SNTB2: variants seen among roughly 807,000 people sequenced by gnomAD.
SNTB2 encodes the protein syntrophin beta 2.
Under a neutral mutation model 46.2 loss-of-function variants are expected in SNTB2, and 34 were observed. The observed-to-expected ratio is 0.74, with a 90% CI of 0.56 to 0.98. SNTB2 has a LOEUF of 0.98. SNTB2 is among the 50% of genes least tolerant of loss of function. The probability of loss-of-function intolerance (pLI) is 0.00; values close to 1 mark genes in which losing one functional copy is unlikely to be tolerated. For missense variants in SNTB2, 603 were observed against 731.4 expected, an observed-to-expected ratio of 0.82 and a Z score of 2.02; for synonymous variants, 290 against 312.6, an observed-to-expected ratio of 0.93 and a Z score of 0.76.
chr16:69,285,626 C>G (rs1378448906), intron 5 of SNTB2, among the ~76,000 whole-genome samples: 1 of 150,736 alleles, frequency 6.6e-6, no homozygotes, highest in Non-Finnish European at 1.5e-5. Flanking sequence ...ACTACAGGTG[C>G]CCACCACAGC....
At chr16:69,255,955 A>T (rs1339859587) in intron 2 of SNTB2, among the ~76,000 whole-genome samples, 1 of 151,708 alleles carries the variant, frequency 6.6e-6, no homozygotes, top group Non-Finnish European at 1.5e-5. Context: ...TGGGAAGCTG[A>T]GGCGGGCGGA....
intron 3 of SNTB2, among the ~76,000 whole-genome samples, chr16:69,264,479 G>C (rs1291861526): frequency 6.6e-6 from 1 of 152,094 alleles, no homozygotes; most frequent in Admixed American, 6.6e-5. Context: ...TTTATTTTTG[G>C]ATAAAATACT....
intron 2 of SNTB2, among the ~76,000 whole-genome samples, chr16:69,259,481 C>T (rs559910417): frequency 3.3e-5 from 5 of 151,570 alleles, no homozygotes; most frequent in East Asian, 3.9e-4. Context: ...GCAATCTGCC[C>T]GCCTTGGCCT....
chr16:69,211,148 T>TA (rs1022783236), intron 1 of SNTB2, among the ~76,000 whole-genome samples: 12 of 151,272 alleles, frequency 7.9e-5, no homozygotes, highest in African/African-American at 2.7e-4. Context: ...ATGGGCTGAT[T>TA]AAAAAAAACC....
intron 3 of SNTB2, among the ~76,000 whole-genome samples, chr16:69,268,633 G>C (rs1964908797): frequency 6.6e-6 from 1 of 152,134 alleles, no homozygotes; most frequent in Non-Finnish European, 1.5e-5. Flanking sequence ...GGGAGACCGA[G>C]GCGGGTGGAT....
intron 1 of SNTB2, among the ~76,000 whole-genome samples, chr16:69,203,069 A>C (rs1964179847): frequency 6.6e-6 from 1 of 150,546 alleles, no homozygotes; most frequent in Admixed American, 6.6e-5. Context: ...CCCAGGCTAG[A>C]GCTCAGGGGC....
chr16:69,293,422 G>A (rs1965193374), intron 5 of SNTB2, among the ~76,000 whole-genome samples: 1 of 152,216 alleles, frequency 6.6e-6, no homozygotes, highest in Admixed American at 6.6e-5. Context: ...CAAGTGCCAA[G>A]TAGGATGAGG....
At position 69,307,197 on chromosome 16, in the gene SNTB2, G is replaced by GT. The variant is rs2143226571; in HGVS notation, c.*6276dup. On this transcript the variant is annotated 3_prime_UTR_variant, in exon 7 of 7. Transcript: ENST00000336278. ...TATTTCTCAGCACACCATGCCATCT[G>GT]TTTATCATTCAGCAGTTAAGTAATT... 1 of 152,330 alleles carries GT rather than the reference G, an allele frequency of 6.6e-6. No individual in the cohort carries two copies. Among genetic ancestry groups the GT allele is most frequent in the South Asian group, 2.1e-4 (1 of 4,828 alleles). 9.4% of individuals were successfully genotyped at this position (152,330 alleles called of 1,614,324 possible).
intron 1 of SNTB2, among the ~76,000 whole-genome samples, chr16:69,245,166 A>G (rs1281961402): frequency 1.3e-5 from 2 of 152,004 alleles, no homozygotes; most frequent in African/African-American, 4.8e-5. Flanking sequence ...ATGGCTCTTT[A>G]ACTTACTTTT....
At chr16:69,197,281 G>A (rs1196685113) in intron 1 of SNTB2, among the ~76,000 whole-genome samples, 1 of 152,166 alleles carries the variant, frequency 6.6e-6, no homozygotes, top group East Asian at 1.9e-4. Flanking sequence ...TTTGGGTCAA[G>A]TGAGAGAAGG....
chr16:69,289,578 A>G (rs904394323), intron 5 of SNTB2, among the ~76,000 whole-genome samples: 1 of 152,204 alleles, frequency 6.6e-6, no homozygotes, highest in Non-Finnish European at 1.5e-5. Flanking sequence ...CATTTTACAC[A>G]TGTAACAAAA....
chr16:69,267,811 A>C (rs1964900312), intron 3 of SNTB2, among the ~76,000 whole-genome samples: 1 of 152,214 alleles, frequency 6.6e-6, no homozygotes, highest in African/African-American at 2.4e-5. Context: ...TGTCATGTCC[A>C]GATTACCTTC....
At chr16:69,215,198 A>G (rs1011648648) in intron 1 of SNTB2, among the ~76,000 whole-genome samples, 1 of 152,158 alleles carries the variant, frequency 6.6e-6, no homozygotes, top group Non-Finnish European at 1.5e-5. Context: ...ATCCTGGGTA[A>G]TGCAGTGAGA....
chr16:69,219,575 A>G (rs1252575538), intron 1 of SNTB2, among the ~76,000 whole-genome samples: 1 of 152,068 alleles, frequency 6.6e-6, no homozygotes, highest in Non-Finnish European at 1.5e-5. Flanking sequence ...TAATAGTGCA[A>G]GAGGGGGAAA....
chr16:69,278,889 A>AGTGTGTGTGTGTGTGTGTGTGTGTGTGT (rs71148981), intron 4 of SNTB2, among the ~76,000 whole-genome samples: 2 of 140,910 alleles, frequency 1.4e-5, no homozygotes, highest in Admixed American at 7.2e-5. Context: ...AGGTGGGAAG[A>AGTGTGTGTGTGTGTGTGTGTGTGTGTGT]GTGTGTGTGT....
At chr16:69,206,672 CAA>C (rs1227753326) in intron 1 of SNTB2, among the ~76,000 whole-genome samples, 1 of 141,542 alleles carries the variant, frequency 7.1e-6, no homozygotes, top group Non-Finnish European at 1.5e-5. Context: ...GCCTGGGCAA[CAA>C]GAGCAAAACT....
intron 1 of SNTB2, among the ~76,000 whole-genome samples, chr16:69,207,780 C>G (rs1203946443): frequency 6.6e-6 from 1 of 151,974 alleles, no homozygotes; most frequent in African/African-American, 2.4e-5. Context: ...AATACTGTAG[C>G]TTAGTTTTCC....
intron 6 of SNTB2, 144 bp downstream of exon 6, chr16:69,299,918 T>A (rs1477487017): frequency 1.3e-6 from 1 of 765,298 alleles, no homozygotes; most frequent in Admixed American, 3.0e-5. Context: ...TTTTTAAAGA[T>A]GGGGTCTCTG....
chr16:69,276,687 G>C (rs1964988030), intron 4 of SNTB2, among the ~76,000 whole-genome samples: 1 of 152,092 alleles, frequency 6.6e-6, no homozygotes, highest in Non-Finnish European at 1.5e-5. Flanking sequence ...CTTTTCAGGG[G>C]CCTTGTGAGT....
Sources: allele counts gnomAD v4.1 joint callset (sites outside exome capture counted in the v4.1 genomes callset), GRCh38; gene constraint gnomAD v4.1.1; transcripts MANE v1.5; gene names NCBI Gene and HGNC (gene_info 2026-07-23, HGNC 2026-07-21).